Variants in TOMM20L observed in about 807,000 individuals in gnomAD.
The protein encoded by TOMM20L is translocase of outer mitochondrial membrane 20 like, also known as TOMM20-like protein 1.
TOMM20L carries 19 observed loss-of-function variants against 20.4 expected under a neutral mutation model. That is an observed-to-expected ratio of 0.93 (90% CI 0.65 to 1.36). The LOEUF (loss-of-function observed/expected upper bound fraction) is 1.36, where lower values mean the gene tolerates loss of function less well. Ranked by LOEUF, TOMM20L falls within the 40% of genes most tolerant of loss-of-function variation. The pLI is 0.00. For synonymous variants in TOMM20L, 75 were observed against 79.6 expected (o/e 0.94, Z 0.30); for missense variants, 218 against 203.7 (o/e 1.07, Z -0.43).
At chr14:58,409,295 T>A, downstream of TOMM20L, 2 of 1,028,146 alleles carry the variant, frequency 1.9e-6, no homozygotes, top group Non-Finnish European at 1.4e-6. Flanking sequence ...TAAATAGTAC[T>A]AATTGGCAGC....
In TOMM20L at chr14:58,404,119, A is replaced by ATTTTTTTTTT; in HGVS notation, c.262+1376_262+1385dup. Among the ~76,000 whole-genome samples, 8 of 8,354 alleles carry ATTTTTTTTTT rather than the reference A, an allele frequency of 9.6e-4. 1 individual carries two copies. The highest frequency in any genetic ancestry group is 2.3e-3 in the African/African-American group (7 of 3,008). 5.5% of individuals were successfully genotyped at this position (8,354 alleles called of 152,430 possible). A position where few individuals can be genotyped will look rare whatever the true frequency, so the allele number is the denominator to read the frequency against. The stretch of plus-strand genomic sequence containing the variant: ...TATATGTATATATATATATATATAT[A>ATTTTTTTTTT]TTTTTTTTTTTTTTTTTTTTTTTTT... On this transcript the variant is annotated intron_variant, in intron 3 of 4. Coordinates refer to ENST00000360945, the MANE Select transcript of TOMM20L (RefSeq NM_207377.3).
chr14:58,398,059 C>A (rs1285444061), intron 2 of TOMM20L, among the ~76,000 whole-genome samples: 1 of 152,064 alleles, frequency 6.6e-6, no homozygotes, highest in Non-Finnish European at 1.5e-5. Context: ...AGAATAAAAG[C>A]CCATTTGACA....
At chr14:58,404,117 A>ATTTTTTT (rs1198718876) in intron 3 of TOMM20L, among the ~76,000 whole-genome samples, 2 of 13,458 alleles carry the variant, frequency 1.5e-4, no homozygotes, top group Non-Finnish European at 1.9e-4. Context: ...ATATATATAT[A>ATTTTTTT]TATTTTTTTT....
intron 2 of TOMM20L, among the ~76,000 whole-genome samples, chr14:58,402,252 G>C (rs1182606702): frequency 6.6e-6 from 1 of 151,712 alleles, no homozygotes; most frequent in Non-Finnish European, 1.5e-5. Flanking sequence ...GTCATACTTT[G>C]GATTTAGAGA....
chr14:58,399,235 T>C (rs1054821231), intron 2 of TOMM20L, among the ~76,000 whole-genome samples: 6 of 152,204 alleles, frequency 3.9e-5, no homozygotes, highest in African/African-American at 1.4e-4. Context: ...AAGAGTCTCT[T>C]CTCACTTTTT....
chr14:58,414,008 G>GAAAAAAAA, the TOMM20L span, among the ~76,000 whole-genome samples: 110 of 24,182 alleles, frequency 4.5e-3, 29 homozygotes, highest in East Asian at 5.5e-3. Context: ...TTCCGTCTCA[G>GAAAAAAAA]AAAAAAAAAA....
intron 2 of TOMM20L, among the ~76,000 whole-genome samples, chr14:58,401,702 T>G (rs2035995484): frequency 6.6e-6 from 1 of 152,120 alleles, no homozygotes; most frequent in East Asian, 1.9e-4. Context: ...GGAGTTGATA[T>G]TTTGGGCTAG....
chr14:58,408,629 A>C lies in TOMM20L; in HGVS notation c.*47A>C, dbSNP rs1387544821. ...AGTCCAGTGAGAATACTATGGTACC[A>C]TACAGTATAAACAACTGCTCAGTGA... On this transcript the variant is annotated 3_prime_UTR_variant, in exon 5 of 5. Transcript: ENST00000360945. 6.4e-7 allele frequency: 1 copy of C among 1,558,996 alleles called. No individual in the cohort carries two copies. Among genetic ancestry groups the C allele is most frequent in the Admixed American group, 1.9e-5 (1 of 53,970 alleles).
chr14:58,403,993 C>G (rs1423361998), intron 3 of TOMM20L, among the ~76,000 whole-genome samples: 3 of 142,724 alleles, frequency 2.1e-5, no homozygotes, highest in Non-Finnish European at 4.5e-5. Context: ...GTGTTAAACC[C>G]TGGAAAGGAA....
At chr14:58,408,349 G>A (rs112861631) in intron 4 of TOMM20L, 180 bp from the exon 5 acceptor site, 60 of 567,986 alleles carry the variant, frequency 1.1e-4, no homozygotes, top group African/African-American at 1.0e-3. Flanking sequence ...CTGGGGAGGT[G>A]GAGGTTGCAG....
intron 2 of TOMM20L, chr14:58,398,730 CTAAG>C (rs1212326647): frequency 1.4e-4 from 21 of 150,766 alleles, no homozygotes; most frequent in Admixed American, 9.9e-4. Flanking sequence ...TAAGCCATAA[CTAAG>C]TCACACTATC....
At chr14:58,412,020 T>A, downstream of TOMM20L, 3 of 1,395,464 alleles carry the variant, frequency 2.1e-6, no homozygotes, top group Non-Finnish European at 3.0e-6. Flanking sequence ...ACAAATGTTT[T>A]TAGTCTAACT....
chr14:58,412,025 CT>C, downstream of TOMM20L: 1 of 1,356,478 alleles, frequency 7.4e-7, no homozygotes, highest in Admixed American at 1.8e-5. Context: ...TGTTTTTAGT[CT>C]AACTGAAGAG....
At chr14:58,408,268 T>C (rs1357958693) in intron 4 of TOMM20L, among the ~76,000 whole-genome samples, 3 of 151,902 alleles carry the variant, frequency 2.0e-5, no homozygotes. Context: ...AATACAAAAG[T>C]TAGCCGGGCA....
chr14:58,405,976 T>A (rs2036052606), intron 3 of TOMM20L, among the ~76,000 whole-genome samples: 1 of 152,228 alleles, frequency 6.6e-6, no homozygotes, highest in African/African-American at 2.4e-5. Flanking sequence ...CCTGGGTTAC[T>A]AAAACATTGA....
rs771827665 is a variant in TOMM20L at position 58,402,755 on chromosome 14, T to C, written c.256T>C (p.Ser86Pro). Reference protein sequence around the residue: ...QEVRMGELWLSRGEHRMGIQH... With the variant: ...QEVRMGELWLPRGEHRMGIQH... ...GGTACGGATGGGAGAACTTTGGTTA[T>C]CTAGAGGTAAGAATGTAAATGTTCT... Residue 86 changes from serine to proline, a missense_variant, in exon 3 of 5, where the codon TCT becomes CCT. Physicochemically the swap from Ser to Pro is moderately conservative, Grantham distance 74. Coordinates refer to ENST00000360945, the MANE Select transcript of TOMM20L (RefSeq NM_207377.3). The C allele has an allele frequency of 6.2e-7, 1 of 1,610,664 alleles. No homozygotes were observed. The highest frequency in any genetic ancestry group is 1.1e-5 in the South Asian group (1 of 90,882).
At chr14:58,415,333 C>T in the TOMM20L span, among the ~76,000 whole-genome samples, 1 of 152,208 alleles carries the variant, frequency 6.6e-6, no homozygotes, top group East Asian at 1.9e-4. Context: ...TCACTCATCA[C>T]ACCAAGAACT....
chr14:58,413,099 A>G (rs2036275166), downstream of TOMM20L, among the ~76,000 whole-genome samples: 2 of 152,190 alleles, frequency 1.3e-5, no homozygotes, highest in African/African-American at 2.4e-5. Flanking sequence ...AAAAGTATTA[A>G]TAAGACATTT....
At chr14:58,405,716 A>G (rs2036048949) in intron 3 of TOMM20L, among the ~76,000 whole-genome samples, 1 of 152,112 alleles carries the variant, frequency 6.6e-6, no homozygotes, top group African/African-American at 2.4e-5. Context: ...CATGTTGGCC[A>G]GGCTGGTCTC....
Sources: allele counts gnomAD v4.1 joint callset (sites outside exome capture counted in the v4.1 genomes callset), GRCh38; gene constraint gnomAD v4.1.1; transcripts MANE v1.5; gene names NCBI Gene and HGNC (gene_info 2026-07-23, HGNC 2026-07-21).